The following ZNF124 variants were observed in gnomAD, a reference collection of about 807,000 sequenced individuals.
ZNF124 encodes zinc finger protein 124, also known as zinc finger protein HZF-16.
ZNF124 carries 25 observed loss-of-function variants against 26.6 expected under a neutral mutation model. The observed-to-expected ratio is 0.94, with a 90% CI of 0.68 to 1.31. The LOEUF is 1.31. Among genes scored for constraint, ZNF124 ranks in the 40% most tolerant of loss-of-function variants. The pLI is 0.00. For missense variants in ZNF124, 444 were observed against 422.2 expected (o/e 1.05, Z -0.45); for synonymous variants, 129 against 133.3 (o/e 0.97, Z 0.22).
intron 3 of ZNF124, among the ~76,000 whole-genome samples, chr1:247,139,533 G>A (rs978950039): frequency 5.3e-5 from 8 of 152,180 alleles, no homozygotes; most frequent in African/African-American, 1.9e-4. Flanking sequence ...ATTTGATCCT[G>A]TCATGTTGTT....
intron 1 of ZNF124, among the ~76,000 whole-genome samples, chr1:247,165,597 A>G (rs1297079587): frequency 6.6e-6 from 1 of 152,212 alleles, no homozygotes; most frequent in Admixed American, 6.5e-5. Flanking sequence ...CTTCACAGCA[A>G]AACAAACTAA....
chr1:247,152,949 C>A (rs530618192), downstream of ZNF124, among the ~76,000 whole-genome samples: 1 of 152,016 alleles, frequency 6.6e-6, no homozygotes, highest in Non-Finnish European at 1.5e-5. Flanking sequence ...CTGGCTAACA[C>A]GGTGAAACTC....
At chr1:247,151,491 A>C (rs968491952), downstream of ZNF124, among the ~76,000 whole-genome samples, 6 of 151,996 alleles carry the variant, frequency 3.9e-5, no homozygotes, top group East Asian at 1.9e-4. Context: ...AAAAAAAAAA[A>C]AAAACCATGT....
intron 3 of ZNF124, among the ~76,000 whole-genome samples, chr1:247,125,869 A>G (rs557829992): frequency 1.8e-4 from 28 of 152,372 alleles, no homozygotes; most frequent in Non-Finnish European, 2.8e-4. Context: ...TAATTAGTCC[A>G]AGTAAAATAA....
intron 3 of ZNF124, among the ~76,000 whole-genome samples, chr1:247,137,767 AAAC>A (rs1218494165): frequency 3.3e-5 from 5 of 152,200 alleles, no homozygotes; most frequent in Non-Finnish European, 7.3e-5. Flanking sequence ...TTACAAGAAA[AAAC>A]AAAAAACTCA....
intron 1 of ZNF124, among the ~76,000 whole-genome samples, chr1:247,166,029 A>G (rs544185097): frequency 1.3e-5 from 2 of 152,308 alleles, no homozygotes; most frequent in East Asian, 3.9e-4. Context: ...GAATAAAAAA[A>G]TTAGCCGGGC....
chr1:247,141,930 C>G (rs1390532175), intron 3 of ZNF124, among the ~76,000 whole-genome samples: 3 of 152,184 alleles, frequency 2.0e-5, no homozygotes, highest in Non-Finnish European at 4.4e-5. Context: ...GGGAGCAGCT[C>G]TCTTAGCTTG....
chr1:247,125,831 C>T lies in ZNF124; in HGVS notation c.219-1960G>A, dbSNP rs181470579. ...GCATAGAATTCACCCATTTAAACTA[C>T]ATGCAGCAATGTGGCTGGATCTCAT... is the stretch of plus-strand genomic sequence containing the variant. On this transcript the variant is annotated intron_variant, in intron 3 of 3. Coordinates refer to the ZNF124 transcript ENST00000472531. Among the ~76,000 whole-genome samples, 347 of 152,320 alleles carry T rather than the reference C, an allele frequency of 2.3e-3. 1 individual carries two copies. Among genetic ancestry groups the T allele is most frequent in the African/African-American group, 7.7e-3 (320 of 41,548 alleles).
chr1:247,155,208 A>C lies in ZNF124; in HGVS notation c.*1358T>G, dbSNP rs1673058605. Reference sequence around the variant, plus strand: ...CACGTGAGAATATACTCTATAATAAACTTTACATACTTACAAATTGACAGC... The same window carrying C: ...CACGTGAGAATATACTCTATAATAACCTTTACATACTTACAAATTGACAGC... On this transcript the variant is annotated 3_prime_UTR_variant, in exon 4 of 4. Transcript: ENST00000543802. 6.6e-6 allele frequency among the ~76,000 whole-genome samples: 1 copy of C among 152,176 alleles called. No homozygotes were observed. The highest frequency in any genetic ancestry group is 1.5e-5 in the Non-Finnish European group (1 of 68,038).
At position 247,157,254 on chromosome 1, in the gene ZNF124, C is replaced by A; in HGVS notation, c.368G>T (p.Gly123Val). The A allele has an allele frequency of 1.2e-6, 2 of 1,613,582 alleles. No homozygotes were observed. The highest frequency in any genetic ancestry group is 1.7e-6 in the Non-Finnish European group (2 of 1,179,664). ...AAAAACTTTCTCACATATTGTACAACCATAATGTCCATTTCCAGTGTGCAT... is the reference window on the plus strand; with the variant it reads ...AAAAACTTTCTCACATATTGTACAAACATAATGTCCATTTCCAGTGTGCAT... ...TVMHTGNGHY[G>V]CTICEKVFNI... The change falls in exon 4 of 4, where the codon GGT becomes GTT. Residue 123 changes from glycine (G) to valine (V), a missense_variant. Physicochemically the swap from Gly to Val is moderately radical, Grantham distance 109 (BLOSUM62 -3). Transcript: ENST00000543802.
At chr1:247,159,239 A>G (rs996631299) in intron 2 of ZNF124, among the ~76,000 whole-genome samples, 173 bp from the exon 3 acceptor site, 1 of 152,214 alleles carries the variant, frequency 6.6e-6, no homozygotes, top group Non-Finnish European at 1.5e-5. Flanking sequence ...TTATTAATAG[A>G]TTAATGTCCT....
chr1:247,134,892 A>G (rs1480275683), intron 3 of ZNF124, among the ~76,000 whole-genome samples: 2 of 152,246 alleles, frequency 1.3e-5, no homozygotes, highest in East Asian at 1.9e-4. Context: ...TGAAATCATA[A>G]TAGTCTCTCG....
At chr1:247,130,476 G>C (rs375283359) in intron 3 of ZNF124, among the ~76,000 whole-genome samples, 3 of 152,170 alleles carry the variant, frequency 2.0e-5, no homozygotes, top group African/African-American at 4.8e-5. Context: ...CCTTTGTGCC[G>C]AGCGGAGATT....
At chr1:247,146,645 A>G (rs1672785964) in intron 3 of ZNF124, among the ~76,000 whole-genome samples, 2 of 152,162 alleles carry the variant, frequency 1.3e-5, no homozygotes, top group Non-Finnish European at 2.9e-5. Flanking sequence ...AAGCAATGAA[A>G]ATATGTCCAC....
rs778117493 is a variant in ZNF124, at chr1:247,157,327, A to G, written c.295T>C (p.Cys99Arg). The change falls in exon 4 of 4, where the codon TGT (cysteine) becomes CGT (arginine). Residue 99 changes from cysteine to arginine, a missense_variant. Physicochemically the swap from Cys to Arg is radical, Grantham distance 180. Coordinates refer to ENST00000543802, the MANE Select transcript of ZNF124 (RefSeq NM_001297568.2). ...CGKKPCTCKQ[C>R]QKTSLSVTRV... ...GTGACAGAAAGGGAAGTTTTCTGAC[A>G]TTGTTTACATGTACATGGCTTCTTT... The G allele has an allele frequency of 8.9e-6, 14 of 1,572,834 alleles. No homozygotes were observed. Among genetic ancestry groups the G allele is most frequent in the African/African-American group, 2.7e-5 (2 of 73,868 alleles).
In ZNF124 at chr1:247,157,083, C is replaced by CATG; in HGVS notation, c.538_539insCAT (p.Glu179_Cys180insSer). ...ACTGAAGGCTTTCCCACATTGCTTACATTCATAGCGTTTTTCTCCAGTGTG... is the reference window on the plus strand; with the variant it reads ...ACTGAAGGCTTTCCCACATTGCTTACATGATTCATAGCGTTTTTCTCCAGTGTG... On this transcript the variant is annotated inframe_insertion, in exon 4 of 4. Transcript: ENST00000543802. 1 of 1,614,130 alleles carries CATG rather than the reference C, an allele frequency of 6.2e-7. No individual in the cohort carries two copies. The highest frequency in any genetic ancestry group is 8.5e-7 in the Non-Finnish European group (1 of 1,179,998).
chr1:247,136,249 C>G (rs907799609), intron 3 of ZNF124, among the ~76,000 whole-genome samples: 2 of 151,978 alleles, frequency 1.3e-5, no homozygotes, highest in Non-Finnish European at 2.9e-5. Context: ...TTGAAAAACC[C>G]CATCATCTCA....
chr1:247,167,943 T>C (rs558967433), intron 1 of ZNF124, among the ~76,000 whole-genome samples: 2 of 152,178 alleles, frequency 1.3e-5, no homozygotes, highest in Non-Finnish European at 2.9e-5. Context: ...CCAATAAATA[T>C]GAAAAAATGC....
intron 3 of ZNF124, among the ~76,000 whole-genome samples, chr1:247,130,411 C>G (rs887101958): frequency 6.6e-6 from 1 of 152,114 alleles, no homozygotes; most frequent in Non-Finnish European, 1.5e-5. Flanking sequence ...CAGAAAAATA[C>G]GTTTTCACAA....
Sources: gnomAD v4.1 joint callset for allele counts (sites outside exome capture counted in the v4.1 genomes callset) on GRCh38, gnomAD v4.1.1 for gene constraint, MANE v1.5 for transcripts, NCBI Gene and HGNC (gene_info 2026-07-23, HGNC 2026-07-21) for gene names.